The following CAMK2D variants were observed in gnomAD, a reference collection of about 807,000 sequenced individuals.
CAMK2D encodes the protein calcium/calmodulin-dependent protein kinase type II subunit delta.
A neutral mutation model predicts 84.0 loss-of-function variants in CAMK2D; 37 were observed. That is an observed-to-expected ratio of 0.44 (90% CI 0.34 to 0.58). The LOEUF (loss-of-function observed/expected upper bound fraction) is 0.58. CAMK2D is among the 20% of genes least tolerant of loss of function. CAMK2D has a pLI of 0.02. For missense variants in CAMK2D, 448 were observed against 652.5 expected (o/e 0.69, Z 3.41); for synonymous variants, 202 against 212.5 (o/e 0.95, Z 0.43).
rs75470440 is a variant in CAMK2D, at chr4:113,464,465, T to A, written c.1211+1064A>T. ...GGTATAATCATATTATGTTCTCATTTATGATTATATCTTCAGCTTTTGGAT... is the reference window on the plus strand; with the variant it reads ...GGTATAATCATATTATGTTCTCATTAATGATTATATCTTCAGCTTTTGGAT... On this transcript the variant is annotated intron_variant, in intron 17 of 20. Coordinates refer to ENST00000511664, the MANE Select transcript of CAMK2D (RefSeq NM_001321571.2). 5.2e-3 allele frequency among the ~76,000 whole-genome samples: 786 copies of A among 152,388 alleles called. 7 individuals carry two copies. The highest frequency in any genetic ancestry group is 0.018 in the African/African-American group (734 of 41,590).
chr4:113,486,908 T>G (rs972400342), intron 16 of CAMK2D, among the ~76,000 whole-genome samples: 1 of 152,220 alleles, frequency 6.6e-6, no homozygotes, highest in Admixed American at 6.5e-5. Context: ...ATCATTTGTG[T>G]CTTTGCCTGC....
chr4:113,481,650 T>G (rs2097702676), intron 16 of CAMK2D, among the ~76,000 whole-genome samples: 1 of 151,988 alleles, frequency 6.6e-6, no homozygotes, highest in African/African-American at 2.4e-5. Flanking sequence ...TGGCTAATTT[T>G]GTTGTATTTT....
intron 8 of CAMK2D, among the ~76,000 whole-genome samples, chr4:113,529,178 G>GA (rs2098441704): frequency 1.3e-5 from 2 of 152,162 alleles, no homozygotes; most frequent in Non-Finnish European, 2.9e-5. Flanking sequence ...CCCAGGGGTT[G>GA]AAACTATAAA....
At chr4:113,713,353 C>T (rs928297361) in intron 2 of CAMK2D, among the ~76,000 whole-genome samples, 2 of 150,904 alleles carry the variant, frequency 1.3e-5, no homozygotes, top group African/African-American at 4.9e-5. Context: ...GAAATGGGTA[C>T]AAGTTTGTTT....
intron 2 of CAMK2D, among the ~76,000 whole-genome samples, chr4:113,739,387 A>T (rs1278485788): frequency 6.6e-6 from 1 of 152,204 alleles, no homozygotes; most frequent in Non-Finnish European, 1.5e-5. Context: ...CCAGTGTCAT[A>T]GGCTGTGGGT....
chr4:113,715,092 T>C (rs2099509480), intron 2 of CAMK2D, among the ~76,000 whole-genome samples: 1 of 152,134 alleles, frequency 6.6e-6, no homozygotes, highest in African/African-American at 2.4e-5. Flanking sequence ...TTCTTCTCAA[T>C]TACTTTACAT....
chr4:113,693,211 G>A (rs1186342262), intron 2 of CAMK2D, among the ~76,000 whole-genome samples: 4 of 152,144 alleles, frequency 2.6e-5, no homozygotes, highest in African/African-American at 9.7e-5. Flanking sequence ...GTCCTGGCCT[G>A]TGTGGTTTCA....
intron 3 of CAMK2D, among the ~76,000 whole-genome samples, chr4:113,632,257 G>A (rs986409742): frequency 1.3e-5 from 2 of 151,864 alleles, no homozygotes; most frequent in Admixed American, 6.6e-5. Context: ...ATGGAGTTTC[G>A]CTCTTGTCCA....
intron 4 of CAMK2D, among the ~76,000 whole-genome samples, chr4:113,557,230 C>G (rs2098671239): frequency 6.6e-6 from 1 of 152,168 alleles, no homozygotes; most frequent in Non-Finnish European, 1.5e-5. Context: ...CATATCAACT[C>G]TCCACACAAT....
intron 2 of CAMK2D, among the ~76,000 whole-genome samples, chr4:113,675,601 T>A (rs1423185157): frequency 6.6e-6 from 1 of 151,630 alleles, no homozygotes; most frequent in Non-Finnish European, 1.5e-5. Context: ...AAAGTTCCCA[T>A]GGAATCAGAG....
intron 5 of CAMK2D, among the ~76,000 whole-genome samples, chr4:113,549,164 A>T (rs2098605617): frequency 6.6e-6 from 1 of 152,210 alleles, no homozygotes; most frequent in African/African-American, 2.4e-5. Flanking sequence ...GTGTTGAAAC[A>T]AGAGGGTAAA....
chr4:113,526,878 T>C (rs1211857210), intron 8 of CAMK2D, among the ~76,000 whole-genome samples: 2 of 150,286 alleles, frequency 1.3e-5, no homozygotes, highest in South Asian at 2.1e-4. Flanking sequence ...GGCATTTTGA[T>C]AGAAAGGCAT....
intron 3 of CAMK2D, among the ~76,000 whole-genome samples, chr4:113,658,492 T>C (rs1229452581): frequency 6.6e-6 from 1 of 152,164 alleles, no homozygotes; most frequent in Non-Finnish European, 1.5e-5. Context: ...CAAATGTATT[T>C]CACCTTCTCT....
intron 4 of CAMK2D, among the ~76,000 whole-genome samples, chr4:113,603,193 C>G (rs889274502): frequency 6.6e-6 from 1 of 152,014 alleles, no homozygotes; most frequent in Admixed American, 6.5e-5. Flanking sequence ...GTAAAGATGA[C>G]TTTGCGTTAT....
At chr4:113,749,158 G>T (rs1182363052) in intron 2 of CAMK2D, among the ~76,000 whole-genome samples, 1 of 151,004 alleles carries the variant, frequency 6.6e-6, no homozygotes, top group Non-Finnish European at 1.5e-5. Context: ...GCTATAAATA[G>T]AATGTAATAT....
intron 2 of CAMK2D, among the ~76,000 whole-genome samples, chr4:113,662,493 G>A (rs1227882038): frequency 6.6e-6 from 1 of 152,086 alleles, no homozygotes; most frequent in Non-Finnish European, 1.5e-5. Context: ...AAATCATAGA[G>A]AGAAGACAAA....
intron 3 of CAMK2D, among the ~76,000 whole-genome samples, chr4:113,626,705 C>G (rs999988829): frequency 1.3e-5 from 2 of 152,170 alleles, no homozygotes; most frequent in Non-Finnish European, 2.9e-5. Flanking sequence ...GACCTCCATT[C>G]CTTGCAGGCA....
chr4:113,716,649 C>CAAAA (rs397750449), intron 2 of CAMK2D, among the ~76,000 whole-genome samples: 129 of 75,872 alleles, frequency 1.7e-3, no homozygotes, highest in Non-Finnish European at 2.1e-3. Context: ...AGACTCCATC[C>CAAAA]AAAAAAAAAA....
intron 2 of CAMK2D, among the ~76,000 whole-genome samples, chr4:113,745,484 G>T (rs1301544626): frequency 2.6e-5 from 4 of 152,124 alleles, no homozygotes; most frequent in African/African-American, 9.7e-5. Context: ...AAACCAGTTT[G>T]TAAGTTTTTT....
Sources: gnomAD v4.1 joint callset for allele counts (sites outside exome capture counted in the v4.1 genomes callset) on GRCh38, gnomAD v4.1.1 for gene constraint, MANE v1.5 for transcripts, NCBI Gene and HGNC (gene_info 2026-07-23, HGNC 2026-07-21) for gene names.